Variants in STAT1 observed in about 807,000 individuals in gnomAD.
STAT1 encodes the protein signal transducer and activator of transcription 1.
In STAT1, 24 loss-of-function variants were observed where a neutral mutation model predicts 111.7. That is an observed-to-expected ratio of 0.21 (90% confidence interval 0.16 to 0.30). The LOEUF (loss-of-function observed/expected upper bound fraction) is 0.30. Among genes scored for constraint, STAT1 ranks in the 10% least tolerant of loss-of-function variants. STAT1 has a pLI of 1.00. For missense variants in STAT1, 351 were observed against 911.9 expected, an observed-to-expected ratio of 0.38 and a Z score of 7.92; for synonymous variants, 332 against 326.5, an observed-to-expected ratio of 1.02 and a Z score of -0.18.
rs1574667035 is a variant in STAT1, at chr2:191,003,725, C to A, written c.373-2562G>T. Among the ~76,000 whole-genome samples, 1 of 152,318 alleles carries A rather than the reference C, an allele frequency of 6.6e-6. No individual in the cohort carries two copies. The highest frequency in any genetic ancestry group is 1.5e-5 in the Non-Finnish European group (1 of 68,028). ...CCTGCAGAACCATAAGTCAATTAAA[C>A]CTCTTTTCTTATAAATTACCCAGTC... is the stretch of plus-strand genomic sequence containing the variant. On this transcript the variant is annotated intron_variant, in intron 5 of 24. Coordinates refer to ENST00000361099, the MANE Select transcript of STAT1 (RefSeq NM_007315.4). The surrounding 1 kb of genome is among the most constrained non-coding windows in gnomAD (Gnocchi z 4.0).
Position 190,983,627 on chromosome 2 carries a change from AT to A in STAT1, c.1446+14del. 4 of 1,612,700 alleles carry A rather than the reference AT, an allele frequency of 2.5e-6. No homozygotes were observed. The highest frequency in any genetic ancestry group is 3.4e-6 in the Non-Finnish European group (4 of 1,178,746). ...CTGCTTAACCCTGGGACCAAAGCAA[AT>A]GTGTTTTCCATACCCTGGGTTCCGC... is the stretch of plus-strand genomic sequence containing the variant. On this transcript the variant is annotated intron_variant, in intron 17 of 24. Coordinates refer to ENST00000361099, the MANE Select transcript of STAT1 (RefSeq NM_007315.4). The surrounding 1 kb of genome is among the most constrained non-coding windows in gnomAD (Gnocchi z 5.7).
In STAT1 at chr2:190,983,362, T is replaced by A. The variant is rs1449308957; in HGVS notation, c.1446+280A>T. ...TCCACACTCTAAGAATGGAGCATGC[T>A]TGTTTAGTAGATGTATACATTTTAA... On this transcript the variant is annotated intron_variant, in intron 17 of 24. Coordinates refer to ENST00000361099, the MANE Select transcript of STAT1 (RefSeq NM_007315.4). This position sits in a 1 kb window ranked among gnomAD's most constrained non-coding sequence, Gnocchi z 5.7. 6.6e-6 allele frequency among the ~76,000 whole-genome samples: 1 copy of A among 152,240 alleles called. No homozygotes were observed. Among genetic ancestry groups the A allele is most frequent in the Non-Finnish European group, 1.5e-5 (1 of 68,040 alleles).
At chr2:191,013,479 C>T (rs1299945611) in intron 2 of STAT1, 46 bp downstream of exon 2, 2 of 396,238 alleles carry the variant, frequency 5.0e-6, no homozygotes, top group Middle Eastern at 6.3e-4. Flanking sequence ...AATTAAGATT[C>T]CGAAGTCATG....
rs569878850 is a variant in STAT1, at chr2:190,986,606, G to A, written c.1221+248C>T. ...CAGGCAGCAAGTGCAAATCATTTAC[G>A]TAAACACAGGCTTAGGAAATATTTT... On this transcript the variant is annotated intron_variant, in intron 14 of 24. Coordinates refer to ENST00000361099, the MANE Select transcript of STAT1 (RefSeq NM_007315.4). This position sits in a 1 kb window ranked among gnomAD's most constrained non-coding sequence, Gnocchi z 5.0. Among the ~76,000 whole-genome samples, 3 of 152,312 alleles carry A rather than the reference G, an allele frequency of 2.0e-5. No homozygotes were observed. Among genetic ancestry groups the A allele is most frequent in the Non-Finnish European group, 2.9e-5 (2 of 68,036 alleles).
intron 14 of STAT1, 126 bp from the exon 15 acceptor site, chr2:190,985,786 G>A: frequency 9.5e-7 from 1 of 1,050,420 alleles, no homozygotes. Context: ...TTAGAATGCA[G>A]AACATGGGAC....
rs1033280439 is a variant in STAT1, at chr2:190,983,114, C to A, written c.1446+528G>T. On this transcript the variant is annotated intron_variant, in intron 17 of 24. Transcript: ENST00000361099. The surrounding 1 kb of genome is among the most constrained non-coding windows in gnomAD (Gnocchi z 5.7). Reference sequence around the variant, plus strand: ...TATAGGTGTAATGTTAATGCCTCAACAAGTGTATTAGATAAGGTGTCTTTA... The same window carrying A: ...TATAGGTGTAATGTTAATGCCTCAAAAAGTGTATTAGATAAGGTGTCTTTA... Among the ~76,000 whole-genome samples the A allele has an allele frequency of 2.0e-5, 3 of 152,156 alleles. No individual in the cohort carries two copies. Among genetic ancestry groups the A allele is most frequent in the African/African-American group, 7.2e-5 (3 of 41,426 alleles).
chr2:190,992,804 T>G (rs1196979750), intron 10 of STAT1: 6 of 490,456 alleles, frequency 1.2e-5, no homozygotes, highest in Non-Finnish European at 1.9e-5. Context: ...TTTTTTTTTT[T>G]TTTGAGACAG....
At chr2:191,008,925 G>T in intron 4 of STAT1, 38 bp downstream of exon 4, 1 of 1,608,902 alleles carries the variant, frequency 6.2e-7, no homozygotes. Context: ...CCATAAACAT[G>T]AGAACATTTC....
chr2:190,999,486 G>A lies in STAT1; in HGVS notation c.541+140C>T. On this transcript the variant is annotated intron_variant, in intron 7 of 24. Transcript: ENST00000361099. The surrounding 1 kb of genome is among the most constrained non-coding windows in gnomAD (Gnocchi z 4.1). ...AAATGTCAATAATATTGGATGTTGA[G>A]AAGCCCTGGCCTGGGTTATCAAGGA... The A allele has an allele frequency of 1.4e-6, 1 of 704,384 alleles. No individual in the cohort carries two copies. 43.6% of individuals were successfully genotyped at this position (704,384 alleles called of 1,614,324 possible).
chr2:190,987,017 T>C lies in STAT1; in HGVS notation c.1127+22A>G, dbSNP rs761029046. 1.2e-6 allele frequency: 2 copies of C among 1,610,938 alleles called. No individual in the cohort carries two copies. The highest frequency in any genetic ancestry group is 1.1e-5 in the South Asian group (1 of 91,008). Reference sequence around the variant, plus strand: ...AAATAAATAAAAATATAGCACAGTATAGCGTAAAGTACGTCACGTACCCTT... The same window carrying C: ...AAATAAATAAAAATATAGCACAGTACAGCGTAAAGTACGTCACGTACCCTT... On this transcript the variant is annotated intron_variant, in intron 13 of 24. Coordinates refer to ENST00000361099, the MANE Select transcript of STAT1 (RefSeq NM_007315.4). This position sits in a 1 kb window ranked among gnomAD's most constrained non-coding sequence, Gnocchi z 4.0.
chr2:190,975,582 T>C lies in STAT1; in HGVS notation c.2135+230A>G. The C allele has an allele frequency of 7.1e-7, 1 of 1,413,868 alleles. No individual in the cohort carries two copies. The allele number at this position is 1,413,868 out of a possible 1,614,324, so 87.6% of individuals were successfully genotyped here. A position where few individuals can be genotyped will look rare whatever the true frequency, so the allele number is the denominator to read the frequency against. On this transcript the variant is annotated intron_variant, in intron 23 of 24. Coordinates refer to ENST00000361099, the MANE Select transcript of STAT1 (RefSeq NM_007315.4). This position sits in a 1 kb window ranked among gnomAD's most constrained non-coding sequence, Gnocchi z 5.9. ...TTTATACTTTTTCAAAGGGTATCAGTTTTGGGAAAATTTATATACCTTAAA... is the reference window on the plus strand; with the variant it reads ...TTTATACTTTTTCAAAGGGTATCAGCTTTGGGAAAATTTATATACCTTAAA...
In STAT1 at chr2:191,012,644, C is replaced by T. The variant is rs1695229154; in HGVS notation, c.-2+881G>A. 6.6e-6 allele frequency among the ~76,000 whole-genome samples: 1 copy of T among 152,174 alleles called. No homozygotes were observed. The highest frequency in any genetic ancestry group is 1.5e-5 in the Non-Finnish European group (1 of 68,030). On this transcript the variant is annotated intron_variant, in intron 2 of 24. Transcript: ENST00000361099. This position sits in a 1 kb window ranked among gnomAD's most constrained non-coding sequence, Gnocchi z 4.0. The stretch of plus-strand genomic sequence containing the variant: ...CAGCCTCTGCTGCCCACAGATTGGA[C>T]CACATCAATCTCCTGTGCAAAAATC...
chr2:190,991,597 G>A (rs973532826), intron 10 of STAT1, among the ~76,000 whole-genome samples: 14 of 152,156 alleles, frequency 9.2e-5, no homozygotes, highest in African/African-American at 3.4e-4. Context: ...AGTGGCCCAT[G>A]TCTGTAATCC....
Position 190,989,735 on chromosome 2 carries a change from T to C in STAT1, c.1038-61A>G. On this transcript the variant is annotated intron_variant, in intron 11 of 24. Coordinates refer to ENST00000361099, the MANE Select transcript of STAT1 (RefSeq NM_007315.4). The surrounding 1 kb of genome is among the most constrained non-coding windows in gnomAD (Gnocchi z 5.0). Reference sequence around the variant, plus strand: ...ATTATCTGTTACAATTTATTTATTATGCCAATTCCCTATTAACGTTTAGAT... The same window carrying C: ...ATTATCTGTTACAATTTATTTATTACGCCAATTCCCTATTAACGTTTAGAT... 13 of 1,231,432 alleles carry C rather than the reference T, an allele frequency of 1.1e-5. No homozygotes were observed. The highest frequency in any genetic ancestry group is 2.6e-5 in the South Asian group (2 of 76,584). The allele number at this position is 1,231,432 out of a possible 1,614,324, so 76.3% of individuals were successfully genotyped here.
Position 190,984,610 on chromosome 2 carries a change from A to T in STAT1, c.1264-217T>A, listed in dbSNP as rs939756577. Reference sequence around the variant, plus strand: ...TCTGAAGTTACGGCAAGGGTTATAGATTCAGAGCAATGATTGTCAATGGGG... The same window carrying T: ...TCTGAAGTTACGGCAAGGGTTATAGTTTCAGAGCAATGATTGTCAATGGGG... On this transcript the variant is annotated intron_variant, in intron 15 of 24. Coordinates refer to ENST00000361099, the MANE Select transcript of STAT1 (RefSeq NM_007315.4). The surrounding 1 kb of genome is among the most constrained non-coding windows in gnomAD (Gnocchi z 5.2). Among the ~76,000 whole-genome samples the T allele has an allele frequency of 6.6e-6, 1 of 152,214 alleles. No individual in the cohort carries two copies. Among genetic ancestry groups the T allele is most frequent in the Non-Finnish European group, 1.5e-5 (1 of 68,038 alleles).
chr2:191,000,542 T>G lies in STAT1; in HGVS notation c.462+532A>C, dbSNP rs1021249866. Among the ~76,000 whole-genome samples the G allele has an allele frequency of 6.6e-6, 1 of 152,042 alleles. No homozygotes were observed. The highest frequency in any genetic ancestry group is 6.6e-5 in the Admixed American group (1 of 15,260). On this transcript the variant is annotated intron_variant, in intron 6 of 24. Transcript: ENST00000361099. The surrounding 1 kb of genome is among the most constrained non-coding windows in gnomAD (Gnocchi z 4.8). The stretch of plus-strand genomic sequence containing the variant: ...CACCAGCCCTAACAGTGGAGAGGAG[T>G]AAATGCGCACCATCGAGGACGCCAG...
rs1181331709 is a variant in STAT1 at position 190,991,293 on chromosome 2, G to A, written c.972C>T (p.Cys324=). ...GCGGCCTCTGAGGGTGCGTTGGCAT[G>A]CAGGGCTGTCTTTCCACCACAAACG... is the stretch of plus-strand genomic sequence containing the variant. The part of the protein sequence containing the change: ...QSSFVVERQP[C]MPTHPQRPLV... Residue 324 remains cysteine (C), a synonymous_variant, in exon 11 of 25, where the codon TGC becomes TGT. Coordinates refer to ENST00000361099, the MANE Select transcript of STAT1 (RefSeq NM_007315.4). 12 of 1,614,004 alleles carry A rather than the reference G, an allele frequency of 7.4e-6. No homozygotes were observed. In the African/African-American group the frequency reaches 9.3e-5, roughly 13 times the overall value.
rs1211880395 is a variant in STAT1, at chr2:190,986,504, T to C, written c.1221+350A>G. Among the ~76,000 whole-genome samples the C allele has an allele frequency of 6.6e-6, 1 of 152,130 alleles. No homozygotes were observed. Among genetic ancestry groups the C allele is most frequent in the African/African-American group, 2.4e-5 (1 of 41,416 alleles). Reference sequence around the variant, plus strand: ...TGAACCCTGGTGTACAGGACCACACTTGGATCACAGTCAGGACACGGGAGC... The same window carrying C: ...TGAACCCTGGTGTACAGGACCACACCTGGATCACAGTCAGGACACGGGAGC... On this transcript the variant is annotated intron_variant, in intron 14 of 24. Coordinates refer to ENST00000361099, the MANE Select transcript of STAT1 (RefSeq NM_007315.4). The surrounding 1 kb of genome is among the most constrained non-coding windows in gnomAD (Gnocchi z 5.0).
In STAT1 at chr2:190,973,434, CTGAA is replaced by C. The variant is rs1262285037; in HGVS notation, c.2238+1392_2238+1395del. ...CTAACTCAGAAGGTGGCTGTGAGGA[CTGAA>C]TGAGTTACTACCTGTGAAGTACATG... On this transcript the variant is annotated intron_variant, in intron 24 of 24. Coordinates refer to ENST00000361099, the MANE Select transcript of STAT1 (RefSeq NM_007315.4). The surrounding 1 kb of genome is among the most constrained non-coding windows in gnomAD (Gnocchi z 4.4). Among the ~76,000 whole-genome samples the C allele has an allele frequency of 1.3e-5, 2 of 152,108 alleles. No individual in the cohort carries two copies. The highest frequency in any genetic ancestry group is 2.9e-5 in the Non-Finnish European group (2 of 68,020).
Sources: gnomAD v4.1 joint callset for allele counts (sites outside exome capture counted in the v4.1 genomes callset) on GRCh38, gnomAD v4.1.1 for gene constraint, Gnocchi (gnomAD v3.1) non-coding constraint, MANE v1.5 for transcripts, NCBI Gene and HGNC (gene_info 2026-07-23, HGNC 2026-07-21) for gene names.